Variants in ZFHX3 observed in about 807,000 individuals in gnomAD.
ZFHX3 encodes zinc finger homeobox protein 3.
ZFHX3 carries 42 observed loss-of-function variants against 279.1 expected under a neutral mutation model. That is an observed-to-expected ratio of 0.15 (90% CI 0.12 to 0.19). The LOEUF (loss-of-function observed/expected upper bound fraction) is 0.19, where lower values mean the gene tolerates loss of function less well. Ranked by LOEUF, ZFHX3 falls within the 10% of genes least tolerant of loss-of-function variation. ZFHX3 has a pLI of 1.00. For synonymous variants in ZFHX3, 2,293 were observed against 1,957.8 expected, an observed-to-expected ratio of 1.17 and a Z score of -4.52; for missense variants, 4,981 against 4,754.0, an observed-to-expected ratio of 1.05 and a Z score of -1.40.
intron 1 of ZFHX3, among the ~76,000 whole-genome samples, chr16:73,868,847 C>G (rs781450339): frequency 6.6e-6 from 1 of 151,964 alleles, no homozygotes; most frequent in Non-Finnish European, 1.5e-5. Flanking sequence ...ATTTTTATGT[C>G]AATACTCTGC....
chr16:73,449,849 T>G (rs139968811), intron 3 of ZFHX3, among the ~76,000 whole-genome samples: 2 of 152,052 alleles, frequency 1.3e-5, no homozygotes, highest in African/African-American at 4.8e-5. Flanking sequence ...TTTTTTTCTC[T>G]TAATCATAGA....
At chr16:73,054,840 T>G (rs1483611497) in intron 1 of ZFHX3, among the ~76,000 whole-genome samples, 2 of 152,132 alleles carry the variant, frequency 1.3e-5, no homozygotes, top group Non-Finnish European at 2.9e-5. Flanking sequence ...GATTTAGTGA[T>G]TAAAAACATG....
chr16:73,764,648 G>T (rs753072015), intron 1 of ZFHX3, among the ~76,000 whole-genome samples: 1 of 152,160 alleles, frequency 6.6e-6, no homozygotes, highest in Non-Finnish European at 1.5e-5. Context: ...TCGTAGTCCA[G>T]CCATATAGGA....
At chr16:73,246,026 G>T (rs1050598515) in intron 5 of ZFHX3, among the ~76,000 whole-genome samples, 7 of 152,210 alleles carry the variant, frequency 4.6e-5, no homozygotes, top group Non-Finnish European at 1.0e-4. Context: ...CCATTCCCCT[G>T]TTTCCTTCTC....
At chr16:73,321,576 G>A (rs1366416211) in intron 3 of ZFHX3, among the ~76,000 whole-genome samples, 3 of 152,258 alleles carry the variant, frequency 2.0e-5, no homozygotes, top group East Asian at 1.9e-4. Context: ...ATAAGCTCCC[G>A]AACAACAGGT....
chr16:73,288,533 G>A (rs1273087137), intron 4 of ZFHX3, among the ~76,000 whole-genome samples: 4 of 152,182 alleles, frequency 2.6e-5, no homozygotes, highest in South Asian at 2.1e-4. Flanking sequence ...AAGGCCGTGC[G>A]TCTAGGCTCT....
chr16:73,410,616 A>C (rs2017446641), intron 3 of ZFHX3, among the ~76,000 whole-genome samples: 1 of 152,220 alleles, frequency 6.6e-6, no homozygotes, highest in South Asian at 2.1e-4. Flanking sequence ...TTAAGAAAAA[A>C]GTCTTCAGTT....
At chr16:73,194,934 G>C (rs1462036222) in intron 5 of ZFHX3, among the ~76,000 whole-genome samples, 1 of 152,148 alleles carries the variant, frequency 6.6e-6, no homozygotes, top group African/African-American at 2.4e-5. Context: ...ATAGGCTAGG[G>C]TTTGCAAGAA....
intron 2 of ZFHX3, among the ~76,000 whole-genome samples, chr16:73,480,515 G>T (rs1337923822): frequency 6.6e-6 from 1 of 152,188 alleles, no homozygotes; most frequent in Non-Finnish European, 1.5e-5. Flanking sequence ...AAGTCTCTGG[G>T]AGTCACTCTG....
At chr16:73,057,305 A>G (rs763871488) in intron 1 of ZFHX3, among the ~76,000 whole-genome samples, 1 of 152,232 alleles carries the variant, frequency 6.6e-6, no homozygotes, top group Non-Finnish European at 1.5e-5. Context: ...TGATATATAC[A>G]TATTTTAATT....
At chr16:73,753,853 C>T (rs963457144) in intron 1 of ZFHX3, among the ~76,000 whole-genome samples, 3 of 152,032 alleles carry the variant, frequency 2.0e-5, no homozygotes, top group Non-Finnish European at 4.4e-5. Flanking sequence ...ATATTATGAC[C>T]AGAGATGGAC....
chr16:73,172,016 C>T (rs918742844), intron 5 of ZFHX3, among the ~76,000 whole-genome samples: 2 of 152,184 alleles, frequency 1.3e-5, no homozygotes, highest in African/African-American at 4.8e-5. Context: ...TTTGGGTCCG[C>T]CAGAGATGCT....
At chr16:73,507,552 G>T (rs554819618) in intron 2 of ZFHX3, among the ~76,000 whole-genome samples, 4 of 139,464 alleles carry the variant, frequency 2.9e-5, no homozygotes, top group Non-Finnish European at 6.0e-5. Flanking sequence ...CTGGAGTACA[G>T]TGGTGCAGTC....
In ZFHX3 at chr16:72,959,003, C is replaced by G. The variant is rs147638073; in HGVS notation, c.1143G>C (p.Ala381=). 11 of 1,610,234 alleles carry G rather than the reference C, an allele frequency of 6.8e-6. No homozygotes were observed. Among genetic ancestry groups the G allele is most frequent in the Middle Eastern group, 3.3e-4 (2 of 6,056 alleles). ...GCTGCTCGGGGCCAGCGGCGGAGCCCGCTGGGAGAGCTTCCTCCCCTTCCA... is the reference window on the plus strand; with the variant it reads ...GCTGCTCGGGGCCAGCGGCGGAGCCGGCTGGGAGAGCTTCCTCCCCTTCCA... ...IRMEGEEALP[A]GSAAGPEQPQ... Residue 381 remains alanine (A), a synonymous_variant, in exon 2 of 10, where the codon GCG becomes GCC. Coordinates refer to ENST00000268489, the MANE Select transcript of ZFHX3 (RefSeq NM_006885.4).
chr16:73,745,435 G>A (rs1277984993), intron 1 of ZFHX3, among the ~76,000 whole-genome samples: 1 of 152,138 alleles, frequency 6.6e-6, no homozygotes, highest in Admixed American at 6.5e-5. Flanking sequence ...AGACTCCTGG[G>A]TCAGACACAA....
At chr16:73,405,657 C>A (rs1223457810) in intron 3 of ZFHX3, among the ~76,000 whole-genome samples, 1 of 151,872 alleles carries the variant, frequency 6.6e-6, no homozygotes, top group Non-Finnish European at 1.5e-5. Context: ...GGGCCCTGCA[C>A]ATCACGTATG....
chr16:72,887,651 G>C (rs2038662423), intron 4 of ZFHX3, among the ~76,000 whole-genome samples: 1 of 145,374 alleles, frequency 6.9e-6, no homozygotes, highest in Non-Finnish European at 1.5e-5. Flanking sequence ...GTGTGTGGGG[G>C]TACAGTGTCT....
intron 2 of ZFHX3, among the ~76,000 whole-genome samples, chr16:73,606,636 T>C (rs2052186546): frequency 6.6e-6 from 1 of 152,158 alleles, no homozygotes; most frequent in African/African-American, 2.4e-5. Flanking sequence ...GTTTGTTACA[T>C]AGGTAAACGG....
intron 5 of ZFHX3, among the ~76,000 whole-genome samples, chr16:73,201,936 G>A (rs986767344): frequency 3.9e-5 from 6 of 152,146 alleles, no homozygotes; most frequent in African/African-American, 9.7e-5. Flanking sequence ...CACTTACGGC[G>A]TGGTAGTGTT....
Sources: allele counts gnomAD v4.1 joint callset (sites outside exome capture counted in the v4.1 genomes callset), GRCh38; gene constraint gnomAD v4.1.1; transcripts MANE v1.5; gene names NCBI Gene and HGNC (gene_info 2026-07-23, HGNC 2026-07-21).